Variants in CNTN4 observed in about 807,000 individuals in gnomAD.
CNTN4 encodes contactin 4, also known as contactin-4.
Under a neutral mutation model 122.5 loss-of-function variants are expected in CNTN4, and 77 were observed. That is an observed-to-expected ratio of 0.63 (90% CI 0.52 to 0.76). The LOEUF (loss-of-function observed/expected upper bound fraction) is 0.76. Ranked by LOEUF, CNTN4 falls within the 30% of genes least tolerant of loss-of-function variation. The probability of loss-of-function intolerance (pLI) is 0.00; values close to 1 mark genes in which losing one functional copy is unlikely to be tolerated. For synonymous variants in CNTN4, 512 were observed against 447.0 expected, an observed-to-expected ratio of 1.15 and a Z score of -1.83; for missense variants, 1,256 against 1,259.1, an observed-to-expected ratio of 1.00 and a Z score of 0.04.
At chr3:2,979,996 AC>A (rs760002764) in intron 13 of CNTN4, among the ~76,000 whole-genome samples, 20 of 151,564 alleles carry the variant, frequency 1.3e-4, no homozygotes, top group Non-Finnish European at 2.4e-4. Flanking sequence ...GTTACTAAAG[AC>A]CCCCCCAAAA....
intron 3 of CNTN4, among the ~76,000 whole-genome samples, chr3:2,543,527 A>G (rs555783183): frequency 1.3e-5 from 2 of 152,152 alleles, no homozygotes; most frequent in South Asian, 4.1e-4. Context: ...TGTGCATTCA[A>G]CTTGGAGATA....
chr3:2,690,842 C>T (rs1226472568), intron 4 of CNTN4, among the ~76,000 whole-genome samples: 1 of 152,186 alleles, frequency 6.6e-6, no homozygotes, highest in African/African-American at 2.4e-5. Context: ...CACACTCATT[C>T]CTTTGCATAT....
Position 2,820,944 on chromosome 3 carries a change from T to G in CNTN4, c.454+1363T>G, listed in dbSNP as rs75986500. Among the ~76,000 whole-genome samples the G allele has an allele frequency of 3.1e-3, 451 of 146,952 alleles. 4 individuals are homozygous for G. The highest frequency in any genetic ancestry group is 0.011 in the African/African-American group (439 of 39,704). On this transcript the variant is annotated intron_variant, in intron 7 of 24. Coordinates refer to ENST00000418658, the MANE Select transcript of CNTN4 (RefSeq NM_175607.3). ...GTTCTTTTATATTCTTTTTCTCACA[T>G]GCAACATTTTCTCTTTCTTTTTTTT...
At chr3:2,715,621 C>T (rs2087446626) in intron 4 of CNTN4, among the ~76,000 whole-genome samples, 1 of 152,120 alleles carries the variant, frequency 6.6e-6, no homozygotes, top group South Asian at 2.1e-4. Context: ...GTAGTTCGAA[C>T]TATAGAAATT....
intron 3 of CNTN4, among the ~76,000 whole-genome samples, chr3:2,392,447 A>G (rs2046473881): frequency 6.6e-6 from 1 of 152,178 alleles, no homozygotes; most frequent in South Asian, 2.1e-4. Flanking sequence ...GATGAAAAAT[A>G]TGCACACAGT....
intron 3 of CNTN4, among the ~76,000 whole-genome samples, chr3:2,556,540 A>G (rs985568461): frequency 3.3e-5 from 5 of 152,286 alleles, no homozygotes; most frequent in Middle Eastern, 3.4e-3. Flanking sequence ...GGGTTTTTAT[A>G]AACCATTTTC....
At chr3:2,267,197 A>G (rs184075533) in intron 2 of CNTN4, among the ~76,000 whole-genome samples, 98 of 152,202 alleles carry the variant, frequency 6.4e-4, no homozygotes, top group Admixed American at 2.4e-3. Flanking sequence ...AGCCACTGAA[A>G]GAACTATTTC....
intron 4 of CNTN4, among the ~76,000 whole-genome samples, chr3:2,628,597 C>G (rs2082297783): frequency 6.6e-6 from 1 of 152,134 alleles, no homozygotes; most frequent in South Asian, 2.1e-4. Context: ...GTGGGATTTT[C>G]TTTTCTAGTT....
chr3:2,171,109 G>A (rs1435916933), intron 2 of CNTN4, among the ~76,000 whole-genome samples: 2 of 152,042 alleles, frequency 1.3e-5, no homozygotes, highest in South Asian at 4.1e-4. Context: ...TGTAAAACAC[G>A]AATTCTTTAT....
At position 2,427,489 on chromosome 3, in the gene CNTN4, C is replaced by G. The variant is rs370276838; in HGVS notation, c.-89+88256C>G. Among the ~76,000 whole-genome samples the G allele has an allele frequency of 3.9e-5, 6 of 152,214 alleles. No individual in the cohort carries two copies. The East Asian group carries it at 1.2e-3, about 29-fold the overall frequency. On this transcript the variant is annotated intron_variant, in intron 3 of 24. Transcript: ENST00000418658. The stretch of plus-strand genomic sequence containing the variant: ...CATTTGCTGAGGAGTTCTTTACTTC[C>G]AACTTTGTGGTCAATTTTGGAATAA...
intron 3 of CNTN4, among the ~76,000 whole-genome samples, chr3:2,560,383 C>T (rs1350565993): frequency 1.3e-5 from 2 of 152,132 alleles, no homozygotes; most frequent in East Asian, 3.9e-4. Context: ...CTCAAGTAAT[C>T]TGCCTGCCTT....
At chr3:3,047,165 C>A (rs1426039484) in intron 23 of CNTN4, among the ~76,000 whole-genome samples, 1 of 151,860 alleles carries the variant, frequency 6.6e-6, no homozygotes, top group Non-Finnish European at 1.5e-5. Context: ...TAGACTCCCA[C>A]ACAATAATGA....
At chr3:2,931,119 G>A (rs534155195) in intron 13 of CNTN4, among the ~76,000 whole-genome samples, 2 of 152,184 alleles carry the variant, frequency 1.3e-5, no homozygotes, top group Non-Finnish European at 2.9e-5. Context: ...AGGAATCAGG[G>A]TAGGGCAAGG....
intron 2 of CNTN4, among the ~76,000 whole-genome samples, chr3:2,104,236 G>C (rs1196324077): frequency 1.4e-5 from 2 of 138,614 alleles, no homozygotes; most frequent in Non-Finnish European, 3.3e-5. Flanking sequence ...CTACGTGTGT[G>C]TGTGTGTGTG....
At chr3:2,469,992 A>G (rs1241810214) in intron 3 of CNTN4, among the ~76,000 whole-genome samples, 1 of 152,230 alleles carries the variant, frequency 6.6e-6, no homozygotes, top group Non-Finnish European at 1.5e-5. Context: ...ATTTGCTAAT[A>G]TAAGTATATA....
chr3:2,609,160 A>G (rs2081379658), intron 4 of CNTN4, among the ~76,000 whole-genome samples: 1 of 152,224 alleles, frequency 6.6e-6, no homozygotes, highest in Admixed American at 6.5e-5. Context: ...TCCTCTACAG[A>G]ATTTGTGTTG....
At chr3:2,105,828 A>T (rs2032396134) in intron 2 of CNTN4, among the ~76,000 whole-genome samples, 1 of 152,210 alleles carries the variant, frequency 6.6e-6, no homozygotes, top group Non-Finnish European at 1.5e-5. Flanking sequence ...AAAAGTCCAC[A>T]GTCCAAAGTC....
chr3:2,278,735 T>G (rs1025829350), intron 2 of CNTN4, among the ~76,000 whole-genome samples: 5 of 152,170 alleles, frequency 3.3e-5, no homozygotes, highest in Admixed American at 1.3e-4. Flanking sequence ...TTCTAACTTC[T>G]TTGTGCCTTA....
chr3:2,995,555 C>T (rs573996474), intron 14 of CNTN4, among the ~76,000 whole-genome samples: 8 of 152,268 alleles, frequency 5.3e-5, no homozygotes, highest in South Asian at 2.1e-4. Flanking sequence ...CTCTGTCTTT[C>T]GTAGCAAAGC....
Sources: allele counts gnomAD v4.1 joint callset (sites outside exome capture counted in the v4.1 genomes callset), GRCh38; gene constraint gnomAD v4.1.1; transcripts MANE v1.5; gene names NCBI Gene and HGNC (gene_info 2026-07-23, HGNC 2026-07-21).